The following OTOGL variants were observed in gnomAD, a reference collection of about 807,000 sequenced individuals.
OTOGL encodes the protein otogelin like.
Under a neutral mutation model 318.5 loss-of-function variants are expected in OTOGL, and 285 were observed. The ratio of observed to expected loss-of-function variants is 0.89; its 90% CI spans 0.81 to 0.99. The LOEUF is 0.99. Among genes scored for constraint, OTOGL ranks in the 50% least tolerant of loss-of-function variants. The pLI is 0.00. For missense variants in OTOGL, 2,899 were observed against 2,845.6 expected (o/e 1.02, Z -0.43); for synonymous variants, 987 against 936.5 (o/e 1.05, Z -0.99).
chr12:80,308,162 C>T (rs1886348173), intron 29 of OTOGL, among the ~76,000 whole-genome samples: 1 of 150,406 alleles, frequency 6.6e-6, no homozygotes, highest in Admixed American at 6.6e-5. Context: ...CCCCACCTCC[C>T]TCCCGGACGA....
intron 34 of OTOGL, among the ~76,000 whole-genome samples, chr12:80,323,014 T>A (rs1389330583): frequency 6.6e-6 from 1 of 151,426 alleles, no homozygotes; most frequent in Non-Finnish European, 1.5e-5. Context: ...TAAAATAGAA[T>A]AATGGATGGA....
chr12:80,237,919 C>G (rs1880009759), intron 9 of OTOGL, among the ~76,000 whole-genome samples: 1 of 152,146 alleles, frequency 6.6e-6, no homozygotes, highest in Non-Finnish European at 1.5e-5. Flanking sequence ...TGGTGGAGAA[C>G]TCCAACCTCA....
chr12:80,321,603 A>AT (rs1412588784), intron 34 of OTOGL, among the ~76,000 whole-genome samples: 1 of 152,078 alleles, frequency 6.6e-6, no homozygotes, highest in African/African-American at 2.4e-5. Context: ...AAAATAAAAA[A>AT]AAATTTTACC....
At chr12:80,332,174 A>G (rs1431479266) in intron 37 of OTOGL, among the ~76,000 whole-genome samples, 1 of 152,148 alleles carries the variant, frequency 6.6e-6, no homozygotes, top group Non-Finnish European at 1.5e-5. Context: ...AAAATTGTAT[A>G]TATTTATTGT....
rs1006469352 is a variant in OTOGL, at chr12:80,344,958, T to C, written c.5265+2796T>C. 3.5e-4 allele frequency among the ~76,000 whole-genome samples: 52 copies of C among 146,682 alleles called. 1 individual carries two copies. The highest frequency in any genetic ancestry group is 3.0e-5 in the Non-Finnish European group (2 of 67,088). The stretch of plus-strand genomic sequence containing the variant: ...ATTTTATCTGCTACATAGATATAAA[T>C]CAATTTAAAGAAGGCATTGGCTATA... On this transcript the variant is annotated intron_variant, in intron 44 of 58. Coordinates refer to ENST00000547103, the MANE Select transcript of OTOGL (RefSeq NM_001378609.3).
At chr12:80,249,593 C>G (rs1190093919) in intron 11 of OTOGL, among the ~76,000 whole-genome samples, 2 of 152,094 alleles carry the variant, frequency 1.3e-5, no homozygotes, top group African/African-American at 2.4e-5. Flanking sequence ...ACATTTAAGT[C>G]TGCAGAGGTT....
chr12:80,137,596 G>A (rs1565874026), intron 1 of OTOGL, among the ~76,000 whole-genome samples: 1 of 152,122 alleles, frequency 6.6e-6, no homozygotes, highest in Non-Finnish European at 1.5e-5. Context: ...CAGATTCTAA[G>A]AATTTATTTT....
intron 57 of OTOGL, among the ~76,000 whole-genome samples, chr12:80,373,910 A>G (rs1372281972): frequency 2.0e-5 from 3 of 152,152 alleles, no homozygotes; most frequent in Non-Finnish European, 4.4e-5. Context: ...AGGCTGAATG[A>G]TAAGCTCTGC....
chr12:80,290,998 A>G (rs1885007880), intron 26 of OTOGL, among the ~76,000 whole-genome samples: 1 of 152,146 alleles, frequency 6.6e-6, no homozygotes, highest in East Asian at 1.9e-4. Flanking sequence ...ACTTGTTAGT[A>G]TTTTCTCCTG....
chr12:80,110,772 A>G (rs574015954), intron 1 of OTOGL, among the ~76,000 whole-genome samples: 67 of 152,310 alleles, frequency 4.4e-4, no homozygotes, highest in Admixed American at 1.5e-3. Flanking sequence ...ATCCCCAGTA[A>G]TGGGATTGCT....
At chr12:80,310,584 C>A in intron 29 of OTOGL, 27 bp from the exon 30 acceptor site, 1 of 1,497,028 alleles carries the variant, frequency 6.7e-7, no homozygotes, top group Non-Finnish European at 9.2e-7. Flanking sequence ...TTGAAAACTT[C>A]TTTTCTCTCT....
At chr12:80,346,370 G>GA (rs781556397) in intron 44 of OTOGL, among the ~76,000 whole-genome samples, 2 of 150,204 alleles carry the variant, frequency 1.3e-5, no homozygotes, top group Admixed American at 6.6e-5. Flanking sequence ...CCTGTTGCAA[G>GA]AAAAAAAAGA....
chr12:80,380,175 G>A lies in OTOGL; in HGVS notation c.*2127G>A, dbSNP rs921003604. The stretch of plus-strand genomic sequence containing the variant: ...AAATGTTAAAAAACAAAAGAAGATA[G>A]GAGTTACAAAAGAAAATAGGGAAGA... On this transcript the variant is annotated 3_prime_UTR_variant, in exon 59 of 59. Transcript: ENST00000547103. 27 of 151,920 alleles carry A rather than the reference G, an allele frequency of 1.8e-4. 1 individual carries two copies. The highest frequency in any genetic ancestry group is 1.4e-3 in the Admixed American group (21 of 15,226). 9.4% of individuals were successfully genotyped at this position (151,920 alleles called of 1,614,324 possible).
chr12:80,152,846 A>G (rs1872871182), intron 1 of OTOGL, among the ~76,000 whole-genome samples: 1 of 152,056 alleles, frequency 6.6e-6, no homozygotes, highest in Non-Finnish European at 1.5e-5. Flanking sequence ...GGTATGCACC[A>G]CCACACCTGG....
chr12:80,123,495 C>T (rs1282539553), intron 1 of OTOGL, among the ~76,000 whole-genome samples: 5 of 152,002 alleles, frequency 3.3e-5, no homozygotes, highest in African/African-American at 7.3e-5. Context: ...AATAAACATA[C>T]GTGTGCATGT....
intron 29 of OTOGL, among the ~76,000 whole-genome samples, chr12:80,308,350 G>A (rs1485856563): frequency 6.7e-6 from 1 of 149,578 alleles, no homozygotes; most frequent in East Asian, 2.0e-4. Flanking sequence ...GGGCAGAGAC[G>A]CTCCTCACAT....
At chr12:80,349,937 T>C (rs148296788) in intron 44 of OTOGL, among the ~76,000 whole-genome samples, 1 of 152,228 alleles carries the variant, frequency 6.6e-6, no homozygotes, top group Admixed American at 6.5e-5. Flanking sequence ...ACTTGTGTGA[T>C]GATAACACTT....
chr12:80,106,278 G>A (rs747233880), intron 1 of OTOGL, among the ~76,000 whole-genome samples: 1 of 152,108 alleles, frequency 6.6e-6, no homozygotes, highest in African/African-American at 2.4e-5. Context: ...GGGAGAGGGT[G>A]GCTTTCACAC....
At position 80,353,075 on chromosome 12, in the gene OTOGL, G is replaced by A. The variant is rs186674847; in HGVS notation, c.5408-250G>A. Among the ~76,000 whole-genome samples the A allele has an allele frequency of 1.5e-3, 223 of 152,198 alleles. 1 individual carries two copies. The highest frequency in any genetic ancestry group is 4.9e-3 in the African/African-American group (205 of 41,528). ...TTTATTTGTTATACATCTGATAAGC[G>A]TTTCCTACCATAACAGCTAATCCTA... On this transcript the variant is annotated intron_variant, in intron 45 of 58. Transcript: ENST00000547103.
Sources: gnomAD v4.1 joint callset for allele counts (sites outside exome capture counted in the v4.1 genomes callset) on GRCh38, gnomAD v4.1.1 for gene constraint, MANE v1.5 for transcripts, NCBI Gene and HGNC (gene_info 2026-07-23, HGNC 2026-07-21) for gene names.